The following CHD1 variants were observed in gnomAD, a reference collection of about 807,000 sequenced individuals.
The protein encoded by CHD1 is chromodomain helicase DNA binding protein 1.
In CHD1, 36 loss-of-function variants were observed where a neutral mutation model predicts 224.2. The ratio of observed to expected loss-of-function variants is 0.16; its 90% CI spans 0.12 to 0.21. CHD1 has a LOEUF of 0.21. CHD1 is among the 10% of genes least tolerant of loss of function. CHD1 has a pLI of 1.00. For missense variants in CHD1, 1,378 were observed against 1,994.8 expected (o/e 0.69, Z 5.89); for synonymous variants, 668 against 658.3 (o/e 1.01, Z -0.23).
chr5:98,920,169 T>A (rs561177603), intron 2 of CHD1, among the ~76,000 whole-genome samples: 8 of 152,162 alleles, frequency 5.3e-5, no homozygotes, highest in Admixed American at 5.2e-4. Context: ...CATACATAAA[T>A]CCATACATAT....
intron 2 of CHD1, among the ~76,000 whole-genome samples, chr5:98,918,121 G>A (rs547958985): frequency 3.9e-4 from 59 of 150,296 alleles, no homozygotes; most frequent in African/African-American, 1.4e-3. Context: ...GCCGTGGCAC[G>A]ATCTCGGCTC....
chr5:98,883,217 G>A lies in CHD1; in HGVS notation c.2589C>T (p.Ser863=). 6.4e-7 allele frequency: 1 copy of A among 1,574,716 alleles called. No individual in the cohort carries two copies. The highest frequency in any genetic ancestry group is 8.6e-7 in the Non-Finnish European group (1 of 1,168,970). The change falls in exon 19 of 36, where the codon TCC becomes TCT. Residue 863 remains serine, a synonymous_variant. Transcript: ENST00000614616. ...TAATCCCTAGACCTCCAGCTCTTGTGGACAGCAAAAAGCAAAAATCCTGTA... is the reference window on the plus strand; with the variant it reads ...TAATCCCTAGACCTCCAGCTCTTGTAGACAGCAAAAAGCAAAAATCCTGTA... ...EGSEDFCFLL[S]TRAGGLGINL... is the part of the protein sequence containing the mutation.
chr5:98,920,655 G>A (rs1344918003), intron 2 of CHD1, among the ~76,000 whole-genome samples: 1 of 152,092 alleles, frequency 6.6e-6, no homozygotes, highest in Non-Finnish European at 1.5e-5. Flanking sequence ...AAATTAGCCA[G>A]GCATGGTGGT....
At chr5:98,915,727 G>A (rs949126495) in intron 2 of CHD1, among the ~76,000 whole-genome samples, 7 of 152,038 alleles carry the variant, frequency 4.6e-5, no homozygotes, top group African/African-American at 1.2e-4. Flanking sequence ...CAAGTGAGGT[G>A]GGAGAGGGTA....
intron 26 of CHD1, among the ~76,000 whole-genome samples, chr5:98,873,229 A>G (rs1749493009): frequency 6.6e-6 from 1 of 152,178 alleles, no homozygotes; most frequent in African/African-American, 2.4e-5. Flanking sequence ...TCATATGTGT[A>G]TATTTGCATT....
intron 8 of CHD1, 48 bp from the exon 9 acceptor site, chr5:98,898,812 A>C: frequency 2.0e-6 from 2 of 1,003,202 alleles, no homozygotes; most frequent in Non-Finnish European, 3.1e-6. Flanking sequence ...TCCCATAAAT[A>C]ACCTTTCACT....
intron 2 of CHD1, among the ~76,000 whole-genome samples, chr5:98,918,641 GC>G (rs971650611): frequency 1.3e-5 from 2 of 150,772 alleles, no homozygotes; most frequent in African/African-American, 4.9e-5. Context: ...GGTGACGCGT[GC>G]CTGTAATCAC....
chr5:98,927,276 T>C (rs1339962752), intron 1 of CHD1, among the ~76,000 whole-genome samples: 1 of 152,100 alleles, frequency 6.6e-6, no homozygotes, highest in African/African-American at 2.4e-5. Flanking sequence ...AAGATTTCAG[T>C]ACAACACTGA....
At chr5:98,898,161 T>C in intron 10 of CHD1, 95 bp downstream of exon 10, 1 of 641,928 alleles carries the variant, frequency 1.6e-6, no homozygotes, top group Non-Finnish European at 2.2e-6. Flanking sequence ...CCTTAGTCTA[T>C]CTGAAATCAG....
At chr5:98,907,846 T>C (rs2112564763) in intron 2 of CHD1, among the ~76,000 whole-genome samples, 1 of 152,168 alleles carries the variant, frequency 6.6e-6, no homozygotes, top group Middle Eastern at 3.4e-3. Context: ...AAATGAGTCT[T>C]CAGTTTTAGA....
chr5:98,885,877 T>G, intron 17 of CHD1: 1 of 453,626 alleles, frequency 2.2e-6, no homozygotes, highest in Non-Finnish European at 3.9e-6. Flanking sequence ...GCTGTCATAC[T>G]ATTCTGCCTG....
intron 2 of CHD1, among the ~76,000 whole-genome samples, chr5:98,923,775 G>A (rs899356437): frequency 6.6e-6 from 1 of 152,074 alleles, no homozygotes; most frequent in Non-Finnish European, 1.5e-5. Flanking sequence ...CCTCGCTTTA[G>A]ATATGGCAGA....
chr5:98,875,064 G>A lies in CHD1; in HGVS notation c.3440+8C>T, dbSNP rs372383144. The A allele has an allele frequency of 5.9e-6, 8 of 1,347,828 alleles. No homozygotes were observed. The highest frequency in any genetic ancestry group is 2.4e-5 in the South Asian group (2 of 82,146). The allele number at this position is 1,347,828 out of a possible 1,614,324, so 83.5% of individuals were successfully genotyped here. ...CCATTATTCTATGAGAATAATAAACGTATTTACCTTTCCAGAGGACCACCA... is the reference window on the plus strand; with the variant it reads ...CCATTATTCTATGAGAATAATAAACATATTTACCTTTCCAGAGGACCACCA... On this transcript the variant is annotated splice_region_variant and intron_variant, in intron 25 of 35. Transcript: ENST00000614616.
chr5:98,855,787 T>G lies in CHD1; in HGVS notation c.*593A>C, dbSNP rs1474718013. ...AATATTTACAATAATTTACAGCCAT[T>G]TTTTTTGTAAAAAGGCATAATAGAT... On this transcript the variant is annotated 3_prime_UTR_variant, in exon 36 of 36. Coordinates refer to ENST00000614616, the MANE Select transcript of CHD1 (RefSeq NM_001270.4). 6.6e-6 allele frequency: 1 copy of G among 151,774 alleles called. No individual in the cohort carries two copies. Among genetic ancestry groups the G allele is most frequent in the Admixed American group, 6.6e-5 (1 of 15,202 alleles). The allele number at this position is 151,774 out of a possible 1,614,324, so 9.4% of individuals were successfully genotyped here.
Position 98,876,558 on chromosome 5 carries a change from T to C in CHD1, c.3238A>G (p.Ile1080Val). Residue 1080 changes from isoleucine to valine, a missense_variant and splice_region_variant, in exon 24 of 36, where the codon ATT (isoleucine) becomes GTT (valine). Physicochemically the swap from Ile to Val is conservative, Grantham distance 29. Transcript: ENST00000614616. ...LPRMRNCAKQ[I>V]SFNGSEGRRS... ...CTCCCTTCACTTCCATTGAAACTAA[T>C]CTGGAATTGGAAAATATTTACCCAA... 2 of 1,612,688 alleles carry C rather than the reference T, an allele frequency of 1.2e-6. No homozygotes were observed. The highest frequency in any genetic ancestry group is 1.1e-5 in the South Asian group (1 of 91,000).
At chr5:98,920,637 A>C (rs567248332) in intron 2 of CHD1, among the ~76,000 whole-genome samples, 2 of 152,194 alleles carry the variant, frequency 1.3e-5, no homozygotes, top group East Asian at 3.9e-4. Context: ...TCTCTACTAA[A>C]AATACAAAAA....
In CHD1 at chr5:98,881,291, T is replaced by A; in HGVS notation, c.2952A>T (p.Glu984Asp). Residue 984 changes from glutamate to aspartate, a missense_variant, in exon 21 of 36, where the codon GAA becomes GAT. Glu to Asp is a conservative substitution (Grantham distance 45, BLOSUM62 2). Around this residue, in one of 16 missense-constraint regions of CHD1, gnomAD observed 286 missense variants for 445.1 expected, o/e 0.64. Transcript: ENST00000614616. ...EELFKEPEGEEQEPQEMDIDE... is the reference protein window; with the variant it reads ...EELFKEPEGEDQEPQEMDIDE... ...TTTTTTTTTTTACCTGGGGCTCTTG[T>A]TCTTCTCCTTCAGGTTCCTTAAAAA... The A allele has an allele frequency of 6.7e-7, 1 of 1,502,030 alleles. No individual in the cohort carries two copies. The highest frequency in any genetic ancestry group is 8.9e-7 in the Non-Finnish European group (1 of 1,120,792). The allele number at this position is 1,502,030 out of a possible 1,614,324, so 93.0% of individuals were successfully genotyped here.
intron 28 of CHD1, 59 bp from the exon 29 acceptor site, chr5:98,870,862 G>A (rs1363064847): frequency 3.2e-6 from 3 of 948,826 alleles, no homozygotes; most frequent in Non-Finnish European, 3.3e-6. Context: ...AAATGTACTG[G>A]CTAAAAAATG....
intron 20 of CHD1, 60 bp downstream of exon 20, chr5:98,881,915 T>C (rs1365592181): frequency 2.8e-6 from 4 of 1,406,014 alleles, no homozygotes; most frequent in East Asian, 4.6e-5. Context: ...TGATGTAACA[T>C]ATCAAAAATA....
Sources: gnomAD v4.1 joint callset for allele counts (sites outside exome capture counted in the v4.1 genomes callset) on GRCh38, gnomAD v4.1.1 for gene constraint, gnomAD v4.1.1 regional missense constraint, MANE v1.5 for transcripts, NCBI Gene and HGNC (gene_info 2026-07-23, HGNC 2026-07-21) for gene names.